CX3CR1: variants seen among roughly 807,000 people sequenced by gnomAD.
CX3CR1 encodes CX3C chemokine receptor 1.
For missense variants in CX3CR1, 363 were observed against 432.4 expected (o/e 0.84, Z 1.42); for synonymous variants, 168 against 178.5 (o/e 0.94, Z 0.47).
upstream of CX3CR1, chr3:39,280,488 C>T: frequency 1.0e-6 from 1 of 980,792 alleles, no homozygotes; most frequent in Non-Finnish European, 1.2e-6. Flanking sequence ...TCAAGCCCTG[C>T]CCTATATCTG....
In CX3CR1 at chr3:39,265,849, AG is replaced by A. The variant is rs1358205953; in HGVS notation, c.660del (p.Cys221AlafsTer12). The A allele has an allele frequency of 6.2e-7, 1 of 1,614,106 alleles. No individual in the cohort carries two copies. The highest frequency in any genetic ancestry group is 8.5e-7 in the Non-Finnish European group (1 of 1,180,038). ...CYFRIIQTLF[S>X]CKNHKKAKAI... ...GCTTTGGCTTTCTTGTGGTTCTTGC[AG>A]GAAAACAGCGTCTGGATGATTCTGA... On this transcript the variant is annotated frameshift_variant, in exon 2 of 2. Transcript: ENST00000399220. LOFTEE classifies it low-confidence loss of function (END_TRUNC).
chr3:39,283,792 AAATTATATATATATATATAT>A (rs1166673983), upstream of CX3CR1, among the ~76,000 whole-genome samples: 1 of 69,254 alleles, frequency 1.4e-5, no homozygotes, highest in Non-Finnish European at 2.8e-5. Flanking sequence ...AAAAAAAAAA[AAATTATATATATATATATAT>A]ATATATATAT....
intron 1 of CX3CR1, among the ~76,000 whole-genome samples, chr3:39,269,153 T>G (rs779866476): frequency 9.4e-4 from 97 of 103,646 alleles, no homozygotes; most frequent in Admixed American, 1.8e-3. Context: ...TCTGCAATTC[T>G]GAAAAAAAAA....
upstream of CX3CR1, chr3:39,281,159 C>T: frequency 9.8e-7 from 1 of 1,021,940 alleles, no homozygotes. Context: ...GTGCTGCGGG[C>T]TTGGTGGCCT....
At chr3:39,281,455 C>T (rs1379373786), upstream of CX3CR1, among the ~76,000 whole-genome samples, 3 of 152,122 alleles carry the variant, frequency 2.0e-5, no homozygotes, top group East Asian at 5.8e-4. Flanking sequence ...TCCCTCTCTT[C>T]CTGTCCCACA....
At chr3:39,283,949 TAA>T (rs1463001518), upstream of CX3CR1, among the ~76,000 whole-genome samples, 1 of 150,468 alleles carries the variant, frequency 6.6e-6, no homozygotes, top group African/African-American at 2.4e-5. Flanking sequence ...TACAAATAAC[TAA>T]AAGAGTATGA....
intron 1 of CX3CR1, among the ~76,000 whole-genome samples, chr3:39,274,715 T>C (rs1424302203): frequency 6.6e-6 from 1 of 152,196 alleles, no homozygotes; most frequent in African/African-American, 2.4e-5. Flanking sequence ...AATTGTTTAA[T>C]TATTAATTAA....
At chr3:39,288,741 T>G in the CX3CR1 span, among the ~76,000 whole-genome samples, 1 of 152,104 alleles carries the variant, frequency 6.6e-6, no homozygotes, top group African/African-American at 2.4e-5. Context: ...TGGGTTACAG[T>G]TTTGTGATGA....
chr3:39,285,413 G>A (rs960507431), upstream of CX3CR1, among the ~76,000 whole-genome samples: 3 of 152,014 alleles, frequency 2.0e-5, no homozygotes, highest in Non-Finnish European at 4.4e-5. Context: ...AAGTTGGAGA[G>A]GAGTAAATGT....
intron 1 of CX3CR1, among the ~76,000 whole-genome samples, chr3:39,270,052 G>A (rs1475991675): frequency 6.6e-6 from 1 of 152,238 alleles, no homozygotes; most frequent in Non-Finnish European, 1.5e-5. Flanking sequence ...AGAAGCAGGG[G>A]GAGCAGGACT....
chr3:39,292,470 T>C, the CX3CR1 span, among the ~76,000 whole-genome samples: 1 of 152,148 alleles, frequency 6.6e-6, no homozygotes, highest in Admixed American at 6.5e-5. Flanking sequence ...TCATCTCTCA[T>C]AAGCCACACA....
upstream of CX3CR1, among the ~76,000 whole-genome samples, chr3:39,283,794 ATTATATATAT>A (rs1559371909): frequency 1.7e-5 from 1 of 58,340 alleles, no homozygotes; most frequent in Non-Finnish European, 3.3e-5. Flanking sequence ...AAAAAAAAAA[ATTATATATAT>A]ATATATATAT....
chr3:39,267,601 T>C (rs2040720668), intron 1 of CX3CR1, among the ~76,000 whole-genome samples: 1 of 152,160 alleles, frequency 6.6e-6, no homozygotes, highest in Non-Finnish European at 1.5e-5. Flanking sequence ...ATCAGGACTG[T>C]TGGTCATCCT....
upstream of CX3CR1, chr3:39,281,641 A>G: frequency 6.3e-7 from 1 of 1,598,974 alleles, no homozygotes; most frequent in Non-Finnish European, 8.5e-7. Context: ...GAAGCCAGAG[A>G]GCTCTTCCTG....
Position 39,265,105 on chromosome 3 carries a change from G to T in CX3CR1, c.*337C>A. The T allele has an allele frequency of 5.0e-6, 1 of 201,796 alleles. No homozygotes were observed. Among genetic ancestry groups the T allele is most frequent in the East Asian group, 1.2e-4 (1 of 8,402 alleles). The allele number at this position is 201,796 out of a possible 1,614,324, so 12.5% of individuals were successfully genotyped here. A position where few individuals can be genotyped will look rare whatever the true frequency, so the allele number is the denominator to read the frequency against. The stretch of plus-strand genomic sequence containing the variant: ...GCCCTGGTTTCCCCTCACTTTGAGG[G>T]CTCAGACACCCTTTTGCTTGTGCCA... On this transcript the variant is annotated 3_prime_UTR_variant, in exon 2 of 2. Coordinates refer to ENST00000399220, the MANE Select transcript of CX3CR1 (RefSeq NM_001337.4).
At chr3:39,274,445 C>T (rs1345982782) in intron 1 of CX3CR1, among the ~76,000 whole-genome samples, 1 of 129,088 alleles carries the variant, frequency 7.7e-6, no homozygotes, top group Non-Finnish European at 1.5e-5. Flanking sequence ...TTCACACAGG[C>T]CAAATGCACA....
chr3:39,279,599 GAA>G (rs2040873964), intron 1 of CX3CR1, among the ~76,000 whole-genome samples: 1 of 151,846 alleles, frequency 6.6e-6, no homozygotes, highest in African/African-American at 2.4e-5. Flanking sequence ...ACTCTTTTTT[GAA>G]AAAGACTTTA....
At chr3:39,280,097 G>C (rs1236316447), upstream of CX3CR1, 2 of 973,766 alleles carry the variant, frequency 2.1e-6, no homozygotes, top group Non-Finnish European at 2.4e-6. Flanking sequence ...CTTGTTTCCT[G>C]TAAGGGAGAC....
intron 1 of CX3CR1, among the ~76,000 whole-genome samples, chr3:39,270,790 A>G (rs1043531406): frequency 2.0e-5 from 3 of 152,228 alleles, no homozygotes; most frequent in Non-Finnish European, 2.9e-5. Context: ...CGTATTTTGG[A>G]AAATAGTTTA....
Sources: allele counts gnomAD v4.1 joint callset (sites outside exome capture counted in the v4.1 genomes callset), GRCh38; gene constraint gnomAD v4.1.1; transcripts MANE v1.5; gene names NCBI Gene and HGNC (gene_info 2026-07-23, HGNC 2026-07-21).